ENPP3: variants seen among roughly 807,000 people sequenced by gnomAD.
The protein encoded by ENPP3 is ectonucleotide pyrophosphatase/phosphodiesterase 3.
Under a neutral mutation model 117.8 loss-of-function variants are expected in ENPP3, and 104 were observed. The ratio of observed to expected loss-of-function variants is 0.88; its 90% CI spans 0.75 to 1.04. ENPP3 has a LOEUF of 1.04. ENPP3 is among the 50% of genes least tolerant of loss of function. The pLI is 0.00. For missense variants in ENPP3, 1,026 were observed against 1,051.9 expected (o/e 0.98, Z 0.34); for synonymous variants, 380 against 349.9 (o/e 1.09, Z -0.96).
At chr6:131,692,705 A>AT (rs1453121603) in intron 14 of ENPP3, among the ~76,000 whole-genome samples, 7 of 146,586 alleles carry the variant, frequency 4.8e-5, no homozygotes, top group African/African-American at 1.7e-4. Flanking sequence ...TATAATATAT[A>AT]ACCATATATA....
chr6:131,654,207 C>T (rs1351813600), intron 5 of ENPP3, among the ~76,000 whole-genome samples: 2 of 151,772 alleles, frequency 1.3e-5, no homozygotes, highest in African/African-American at 2.4e-5. Context: ...GATCATAGCT[C>T]ACTGCAGCCT....
rs757864196 is a variant in ENPP3, at chr6:131,685,454, C to T, written c.1211C>T (p.Pro404Leu). Residue 404 changes from proline to leucine, a missense_variant, in exon 13 of 25, where the codon CCC becomes CTC. Pro to Leu is a moderately conservative substitution (Grantham distance 98, BLOSUM62 -3). Coordinates refer to ENST00000357639, the MANE Select transcript of ENPP3 (RefSeq NM_005021.5). ...NFFYMYEGPAPRIRAHNIPHD... is the reference protein window; with the variant it reads ...NFFYMYEGPALRIRAHNIPHD... ...TTCTACATGTACGAAGGGCCTGCCC[C>T]CCGCATCCGAGCTCATAATATACCT... is the stretch of plus-strand genomic sequence containing the variant. The T allele has an allele frequency of 2.5e-6, 4 of 1,613,888 alleles. No individual in the cohort carries two copies. The South Asian group carries it at 4.4e-5, about 18-fold the overall frequency.
intron 20 of ENPP3, among the ~76,000 whole-genome samples, chr6:131,731,270 A>G (rs1295691426): frequency 6.6e-6 from 1 of 152,152 alleles, no homozygotes; most frequent in Non-Finnish European, 1.5e-5. Context: ...TTTAAGAGTT[A>G]GGCACTAAAC....
intron 14 of ENPP3, among the ~76,000 whole-genome samples, chr6:131,690,257 A>C (rs1408814725): frequency 6.6e-6 from 1 of 152,196 alleles, no homozygotes; most frequent in Non-Finnish European, 1.5e-5. Context: ...GCTACAGAGA[A>C]ATACTTTGTG....
intron 8 of ENPP3, among the ~76,000 whole-genome samples, chr6:131,674,574 T>C (rs1393451424): frequency 6.7e-6 from 1 of 149,494 alleles, no homozygotes; most frequent in African/African-American, 2.5e-5. Flanking sequence ...GTAAGTCTTT[T>C]TTTTTTTCTT....
chr6:131,671,949 C>G (rs975196513), intron 7 of ENPP3, among the ~76,000 whole-genome samples: 1 of 152,122 alleles, frequency 6.6e-6, no homozygotes, highest in Admixed American at 6.5e-5. Flanking sequence ...ATATTTGTGT[C>G]TTCATTACTT....
intron 20 of ENPP3, among the ~76,000 whole-genome samples, chr6:131,731,543 T>C (rs1780280561): frequency 6.6e-6 from 1 of 152,216 alleles, no homozygotes; most frequent in Non-Finnish European, 1.5e-5. Flanking sequence ...CTCTTGGCTG[T>C]GCCTTGTGTC....
At chr6:131,716,232 C>T (rs897519025) in intron 15 of ENPP3, among the ~76,000 whole-genome samples, 3 of 152,190 alleles carry the variant, frequency 2.0e-5, no homozygotes, top group Non-Finnish European at 4.4e-5. Flanking sequence ...ACTCATTTTC[C>T]AAGTGCCAGC....
chr6:131,652,863 A>G lies in ENPP3; in HGVS notation c.436A>G (p.Thr146Ala). 6.2e-7 allele frequency: 1 copy of G among 1,613,520 alleles called. No homozygotes were observed. Among genetic ancestry groups the G allele is most frequent in the South Asian group, 1.1e-5 (1 of 91,056 alleles). ...CTCATGGCTGGAAGAAAACTGTGAC[A>G]CAGCCCAGCAGTCTCAGTGCCCAGA... Reference protein sequence around the residue: ...ETSWLEENCDTAQQSQCPEGF... With the variant: ...ETSWLEENCDAAQQSQCPEGF... Residue 146 changes from threonine (T) to alanine (A), a missense_variant, in exon 5 of 25, where the codon ACA becomes GCA. Thr to Ala is a moderately conservative substitution (Grantham distance 58). Coordinates refer to ENST00000357639, the MANE Select transcript of ENPP3 (RefSeq NM_005021.5).
At position 131,652,816 on chromosome 6, in the gene ENPP3, T is replaced by C; in HGVS notation, c.404-15T>C. The C allele has an allele frequency of 6.2e-7, 1 of 1,611,578 alleles. No homozygotes were observed. The highest frequency in any genetic ancestry group is 8.5e-7 in the Non-Finnish European group (1 of 1,177,774). The stretch of plus-strand genomic sequence containing the variant: ...GCTGCAGCAAGTATCAAGATTTTGA[T>C]CTTATGCTTTTCAGGAGAAACCTCA... On this transcript the variant is annotated splice_polypyrimidine_tract_variant and intron_variant, in intron 4 of 24. Transcript: ENST00000357639.
intron 1 of ENPP3, among the ~76,000 whole-genome samples, chr6:131,638,764 C>G (rs1048168165): frequency 6.6e-6 from 1 of 151,964 alleles, no homozygotes; most frequent in South Asian, 2.1e-4. Flanking sequence ...AGTAATCCAC[C>G]AGCTCTGACT....
Position 131,678,940 on chromosome 6 carries a change from T to TC in ENPP3, c.1011+1001dup, listed in dbSNP as rs1486629608. On this transcript the variant is annotated intron_variant, in intron 11 of 24. Transcript: ENST00000357639. ...TTCTTTCTTTCTTTCTTTCTTTCTTTCTTTCTTTCTTTCTTTCTTTCCTTC... is the reference window on the plus strand; with the variant it reads ...TTCTTTCTTTCTTTCTTTCTTTCTTTCCTTTCTTTCTTTCTTTCTTTCCTTC... Among the ~76,000 whole-genome samples, 5 of 93,098 alleles carry TC rather than the reference T, an allele frequency of 5.4e-5. 1 individual carries two copies. The highest frequency in any genetic ancestry group is 3.9e-4 in the African/African-American group (5 of 12,758). 61.1% of individuals were successfully genotyped at this position (93,098 alleles called of 152,430 possible).
intron 14 of ENPP3, among the ~76,000 whole-genome samples, chr6:131,686,427 G>T (rs1238026661): frequency 6.6e-6 from 1 of 152,100 alleles, no homozygotes; most frequent in Non-Finnish European, 1.5e-5. Flanking sequence ...CTCCTGGAGA[G>T]ACCTGGAATG....
intron 2 of ENPP3, among the ~76,000 whole-genome samples, chr6:131,645,795 T>C (rs1169392246): frequency 6.6e-6 from 1 of 152,204 alleles, no homozygotes; most frequent in Non-Finnish European, 1.5e-5. Flanking sequence ...TGATTAGTGA[T>C]CCTTTGTAGG....
chr6:131,739,125 G>T (rs188950604), intron 23 of ENPP3, among the ~76,000 whole-genome samples: 1 of 152,166 alleles, frequency 6.6e-6, no homozygotes, highest in Non-Finnish European at 1.5e-5. Flanking sequence ...GGAAACTGGG[G>T]TTAAACAACT....
At chr6:131,679,509 CTTTTT>C (rs57631097) in intron 11 of ENPP3, among the ~76,000 whole-genome samples, 1 of 132,230 alleles carries the variant, frequency 7.6e-6, no homozygotes, top group Non-Finnish European at 1.6e-5. Flanking sequence ...GTACCATGTC[CTTTTT>C]TTTTTTTTTT....
intron 24 of ENPP3, among the ~76,000 whole-genome samples, chr6:131,742,144 ATTC>A (rs942319089): frequency 2.4e-4 from 37 of 152,292 alleles, no homozygotes; most frequent in African/African-American, 8.9e-4. Context: ...GCCACTCACT[ATTC>A]TTAAAATGAG....
At chr6:131,677,810 C>T (rs981245379) in intron 10 of ENPP3, 58 bp from the exon 11 acceptor site, 1 of 1,136,970 alleles carries the variant, frequency 8.8e-7, no homozygotes, top group African/African-American at 1.5e-5. Context: ...ATCCCCCAAT[C>T]CAGCCTGTAT....
At chr6:131,744,802 T>G (rs1039041162) in intron 24 of ENPP3, among the ~76,000 whole-genome samples, 2 of 146,766 alleles carry the variant, frequency 1.4e-5, no homozygotes, top group East Asian at 2.0e-4. Flanking sequence ...AGGTCATTTA[T>G]ACACACACAC....
Sources: gnomAD v4.1 joint callset for allele counts (sites outside exome capture counted in the v4.1 genomes callset) on GRCh38, gnomAD v4.1.1 for gene constraint, MANE v1.5 for transcripts, NCBI Gene and HGNC (gene_info 2026-07-23, HGNC 2026-07-21) for gene names.